Variants in TAFA1 observed in about 807,000 individuals in gnomAD.
The protein encoded by TAFA1 is chemokine-like protein TAFA-1.
Under a neutral mutation model 18.5 loss-of-function variants are expected in TAFA1, and 4 were observed. The ratio of observed to expected loss-of-function variants is 0.22; its 90% CI spans 0.11 to 0.49. The LOEUF (loss-of-function observed/expected upper bound fraction) is 0.49, where lower values mean the gene tolerates loss of function less well. Among genes scored for constraint, TAFA1 ranks in the 20% least tolerant of loss-of-function variants. The pLI is 0.98. For synonymous variants in TAFA1, 56 were observed against 55.2 expected, an observed-to-expected ratio of 1.01 and a Z score of -0.06; for missense variants, 147 against 169.0, an observed-to-expected ratio of 0.87 and a Z score of 0.72.
chr3:68,039,268 A>C (rs964778886), intron 2 of TAFA1, among the ~76,000 whole-genome samples: 1 of 152,238 alleles, frequency 6.6e-6, no homozygotes, highest in Non-Finnish European at 1.5e-5. Flanking sequence ...TTTTACTCAT[A>C]TTAATATTAG....
rs532020268 is a variant in TAFA1, at chr3:68,038,168, T to C, written c.118+31424T>C. Among the ~76,000 whole-genome samples, 11 of 152,306 alleles carry C rather than the reference T, an allele frequency of 7.2e-5. No individual in the cohort carries two copies. The East Asian group carries it at 2.1e-3, about 29-fold the overall frequency. Reference sequence around the variant, plus strand: ...TTGTAGAATTCTTTATCGTATTTTATCATAATTTTAATGACTCTCATTGTC... The same window carrying C: ...TTGTAGAATTCTTTATCGTATTTTACCATAATTTTAATGACTCTCATTGTC... On this transcript the variant is annotated intron_variant, in intron 2 of 4. Transcript: ENST00000478136.
chr3:68,108,979 T>C (rs2065234876), intron 2 of TAFA1, among the ~76,000 whole-genome samples: 1 of 151,982 alleles, frequency 6.6e-6, no homozygotes, highest in South Asian at 2.1e-4. Flanking sequence ...CAATTGCTAA[T>C]TTATCATTAA....
At chr3:68,484,297 C>T (rs182393135) in intron 3 of TAFA1, among the ~76,000 whole-genome samples, 1 of 152,238 alleles carries the variant, frequency 6.6e-6, no homozygotes, top group African/African-American at 2.4e-5. Flanking sequence ...TGTTGAACAG[C>T]ATAGTTTTAG....
intron 2 of TAFA1, among the ~76,000 whole-genome samples, chr3:68,198,856 G>A (rs1222319578): frequency 6.6e-6 from 1 of 151,340 alleles, no homozygotes; most frequent in Non-Finnish European, 1.5e-5. Flanking sequence ...ATCAGAGAAT[G>A]GACATTTTTA....
chr3:68,113,159 C>T (rs2065280437), intron 2 of TAFA1, among the ~76,000 whole-genome samples: 1 of 152,138 alleles, frequency 6.6e-6, no homozygotes, highest in Non-Finnish European at 1.5e-5. Flanking sequence ...CGCACCAGAT[C>T]CCAAGATTTA....
chr3:68,082,672 G>T (rs1315398034), intron 2 of TAFA1, among the ~76,000 whole-genome samples: 1 of 152,168 alleles, frequency 6.6e-6, no homozygotes, highest in African/African-American at 2.4e-5. Flanking sequence ...TGATGATGAT[G>T]AGTTTAGTTT....
chr3:68,395,958 T>A (rs896395099), intron 2 of TAFA1, among the ~76,000 whole-genome samples: 2 of 151,848 alleles, frequency 1.3e-5, no homozygotes, highest in African/African-American at 2.4e-5. Flanking sequence ...ATAATAATAA[T>A]AAAATATCTA....
intron 2 of TAFA1, among the ~76,000 whole-genome samples, chr3:68,341,523 T>C (rs933290338): frequency 6.6e-6 from 1 of 152,206 alleles, no homozygotes; most frequent in African/African-American, 2.4e-5. Flanking sequence ...TAATTTCTAA[T>C]TTTGTAGTTA....
At chr3:68,288,812 T>A (rs1229085647) in intron 2 of TAFA1, among the ~76,000 whole-genome samples, 1 of 152,182 alleles carries the variant, frequency 6.6e-6, no homozygotes, top group African/African-American at 2.4e-5. Flanking sequence ...CTTTATATAA[T>A]CATGCAATTC....
At position 68,495,538 on chromosome 3, in the gene TAFA1, C is replaced by T. The variant is rs1048768362; in HGVS notation, c.260-43218C>T. On this transcript the variant is annotated intron_variant, in intron 3 of 4. Transcript: ENST00000478136. ...AATCCAAGGAAAGTCCTTGGCCTTA[C>T]ATTTAAAAGTCGGCAAATAAGTGTA... Among the ~76,000 whole-genome samples, 13 of 152,240 alleles carry T rather than the reference C, an allele frequency of 8.5e-5. 1 individual carries two copies. In the South Asian group the frequency reaches 2.3e-3, roughly 27 times the overall value.
At chr3:68,514,126 T>A (rs1215214005) in intron 3 of TAFA1, among the ~76,000 whole-genome samples, 1 of 152,146 alleles carries the variant, frequency 6.6e-6, no homozygotes, top group Non-Finnish European at 1.5e-5. Flanking sequence ...TTGCGAGGGC[T>A]CCATCCTTAT....
At chr3:68,453,469 G>T (rs961735204) in intron 3 of TAFA1, among the ~76,000 whole-genome samples, 6 of 152,330 alleles carry the variant, frequency 3.9e-5, no homozygotes, top group Admixed American at 3.3e-4. Context: ...GAGGAGGATG[G>T]CATATATATG....
At chr3:68,339,062 A>G (rs188529851) in intron 2 of TAFA1, among the ~76,000 whole-genome samples, 118 of 152,364 alleles carry the variant, frequency 7.7e-4, no homozygotes, top group Admixed American at 9.1e-4. Context: ...TTTCACCTAC[A>G]TTAAATTAGC....
At chr3:68,499,839 A>T (rs1334852125) in intron 3 of TAFA1, among the ~76,000 whole-genome samples, 1 of 145,434 alleles carries the variant, frequency 6.9e-6, no homozygotes, top group East Asian at 2.1e-4. Flanking sequence ...ACCCAATTCA[A>T]ACTGAATTTT....
chr3:68,358,203 A>G (rs1483840966), intron 2 of TAFA1, among the ~76,000 whole-genome samples: 1 of 151,992 alleles, frequency 6.6e-6, no homozygotes, highest in East Asian at 1.9e-4. Flanking sequence ...CTTTCTGTAT[A>G]CATAATTTTG....
At chr3:68,019,132 A>G (rs1033674205) in intron 2 of TAFA1, among the ~76,000 whole-genome samples, 1 of 152,230 alleles carries the variant, frequency 6.6e-6, no homozygotes, top group Non-Finnish European at 1.5e-5. Flanking sequence ...ACAAATTTCT[A>G]TGTTGAGGAG....
intron 2 of TAFA1, among the ~76,000 whole-genome samples, chr3:68,121,493 C>G (rs572853939): frequency 1.1e-4 from 17 of 152,200 alleles, no homozygotes; most frequent in African/African-American, 4.1e-4. Flanking sequence ...AGTTCACTAA[C>G]AAGGTTTTTG....
intron 2 of TAFA1, among the ~76,000 whole-genome samples, chr3:68,361,096 T>C (rs532425565): frequency 6.6e-6 from 1 of 152,020 alleles, no homozygotes; most frequent in African/African-American, 2.4e-5. Context: ...AAATAATTAT[T>C]GTATAGGTGG....
chr3:68,251,252 T>G (rs2067190194), intron 2 of TAFA1, among the ~76,000 whole-genome samples: 1 of 152,180 alleles, frequency 6.6e-6, no homozygotes, highest in Non-Finnish European at 1.5e-5. Context: ...AGTCTCAGAC[T>G]CCAAATTCTA....
Sources: allele counts gnomAD v4.1 joint callset (sites outside exome capture counted in the v4.1 genomes callset), GRCh38; gene constraint gnomAD v4.1.1; transcripts MANE v1.5; gene names NCBI Gene and HGNC (gene_info 2026-07-23, HGNC 2026-07-21).